The following NSD1 variants were observed in gnomAD, a reference collection of about 807,000 sequenced individuals.
NSD1 encodes histone-lysine N-methyltransferase, H3 lysine-36 specific.
In NSD1, 26 loss-of-function variants were observed where a neutral mutation model predicts 242.7. That is an observed-to-expected ratio of 0.11 (90% confidence interval 0.08 to 0.15). The LOEUF is 0.15. Among genes scored for constraint, NSD1 ranks in the 10% least tolerant of loss-of-function variants. The probability of loss-of-function intolerance (pLI) is 1.00; values close to 1 mark genes in which losing one functional copy is unlikely to be tolerated. For synonymous variants in NSD1, 1,106 were observed against 1,178.1 expected (o/e 0.94, Z 1.25); for missense variants, 2,495 against 3,272.8 (o/e 0.76, Z 5.80).
chr5:177,165,677 C>G (rs893812290), intron 2 of NSD1, among the ~76,000 whole-genome samples: 1 of 152,196 alleles, frequency 6.6e-6, no homozygotes, highest in Non-Finnish European at 1.5e-5. Flanking sequence ...ACTACAGCCT[C>G]GACTTCCCTG....
At position 177,210,308 on chromosome 5, in the gene NSD1, A is replaced by G; in HGVS notation, c.1909A>G (p.Ser637Gly). Residue 637 changes from serine to glycine, a missense_variant, in exon 5 of 23, where the codon AGT (serine) becomes GGT (glycine). By Grantham distance (56) the Ser-to-Gly change is moderately conservative. This residue lies in a region of NSD1 where 515 missense variants were observed against 467.0 expected (regional missense o/e 1.10). Coordinates refer to ENST00000439151, the MANE Select transcript of NSD1 (RefSeq NM_022455.5). ...TGAGGAAAAGCGAAGTGATTCCATT[A>G]GTATCTGTACCACTTCTGATGATGG... ...GDEEKRSDSISICTTSDDGSS... is the reference protein window; with the variant it reads ...GDEEKRSDSIGICTTSDDGSS... 4 of 1,612,838 alleles carry G rather than the reference A, an allele frequency of 2.5e-6. No homozygotes were observed. The highest frequency in any genetic ancestry group is 3.4e-6 in the Non-Finnish European group (4 of 1,179,368).
chr5:177,157,379 A>T (rs193091821), intron 2 of NSD1, among the ~76,000 whole-genome samples: 78 of 151,894 alleles, frequency 5.1e-4, no homozygotes, highest in East Asian at 2.3e-3. Context: ...AGAAAAAAAA[A>T]ATATATAATT....
intron 8 of NSD1, among the ~76,000 whole-genome samples, chr5:177,242,383 A>G (rs191018997): frequency 7.5e-4 from 114 of 152,288 alleles, no homozygotes; most frequent in African/African-American, 2.6e-3. Context: ...CTTCTGATAT[A>G]TAGTGAACGT....
At chr5:177,205,480 A>T (rs761552905) in intron 4 of NSD1, among the ~76,000 whole-genome samples, 17 of 151,670 alleles carry the variant, frequency 1.1e-4, no homozygotes, top group Non-Finnish European at 2.5e-4. Flanking sequence ...GCTGAGAAAA[A>T]TACCAGCTTA....
chr5:177,241,636 G>T (rs1015059816), intron 8 of NSD1, among the ~76,000 whole-genome samples: 2 of 152,060 alleles, frequency 1.3e-5, no homozygotes, highest in African/African-American at 2.4e-5. Context: ...TGGGGAGAGG[G>T]GGTTGCCGTT....
chr5:177,288,361 A>G (rs1214922452), intron 20 of NSD1, among the ~76,000 whole-genome samples: 2 of 152,216 alleles, frequency 1.3e-5, no homozygotes, highest in African/African-American at 4.8e-5. Flanking sequence ...CCAGTCTGTA[A>G]TCTACAGATT....
At chr5:177,224,153 T>C (rs1764453693) in intron 5 of NSD1, among the ~76,000 whole-genome samples, 1 of 152,230 alleles carries the variant, frequency 6.6e-6, no homozygotes, top group Admixed American at 6.5e-5. Context: ...TTTGCATCTT[T>C]GGTGTTTCAT....
rs756808990 is a variant in NSD1 at position 177,210,055 on chromosome 5, C to G, written c.1656C>G (p.Ser552=). The change falls in exon 5 of 23, where the codon TCC becomes TCG. Residue 552 remains serine, a synonymous_variant. Coordinates refer to ENST00000439151, the MANE Select transcript of NSD1 (RefSeq NM_022455.5). ...ISDTQASNEL[S]RIANSLTGSN... Reference sequence around the variant, plus strand: ...ATACGCAGGCCTCTAATGAACTTTCCAGGATAGCAAATAGCCTCACAGGGT... The same window carrying G: ...ATACGCAGGCCTCTAATGAACTTTCGAGGATAGCAAATAGCCTCACAGGGT... The G allele has an allele frequency of 1.9e-6, 3 of 1,613,886 alleles. No individual in the cohort carries two copies. The highest frequency in any genetic ancestry group is 2.5e-6 in the Non-Finnish European group (3 of 1,179,962).
intron 2 of NSD1, 40 bp downstream of exon 2, chr5:177,136,070 GTA>G: frequency 6.6e-7 from 1 of 1,521,838 alleles, no homozygotes; most frequent in African/African-American, 1.4e-5. Context: ...ATACATATAT[GTA>G]TATATACAGG....
intron 5 of NSD1, among the ~76,000 whole-genome samples, chr5:177,234,514 C>T (rs752750547): frequency 6.6e-6 from 1 of 152,070 alleles, no homozygotes; most frequent in Non-Finnish European, 1.5e-5. Context: ...GTCAGGAGTT[C>T]GAGAACAGCC....
chr5:177,132,127 G>A (rs1029363133), upstream of NSD1, among the ~76,000 whole-genome samples: 3 of 152,168 alleles, frequency 2.0e-5, no homozygotes, highest in Non-Finnish European at 4.4e-5. The surrounding 1 kb of genome is among the most constrained non-coding windows in gnomAD (Gnocchi z 7.5). Context: ...TGCAGGCCGT[G>A]AGGCCCCAGG....
chr5:177,266,622 A>G (rs577681777), intron 14 of NSD1: 382 of 578,666 alleles, frequency 6.6e-4, no homozygotes, highest in Non-Finnish European at 7.5e-4. Context: ...CCGGCCGCCA[A>G]GACCCCCGCC....
chr5:177,278,304 T>G (rs1758565961), intron 17 of NSD1, among the ~76,000 whole-genome samples: 1 of 152,142 alleles, frequency 6.6e-6, no homozygotes, highest in South Asian at 2.1e-4. Context: ...GACATAGGGT[T>G]TCATTGTGTT....
intron 17 of NSD1, among the ~76,000 whole-genome samples, chr5:177,275,579 G>A (rs1330577554): frequency 2.7e-5 from 4 of 150,366 alleles, no homozygotes; most frequent in African/African-American, 4.9e-5. Context: ...GACTACAGGC[G>A]CCCGCCACCA....
intron 4 of NSD1, among the ~76,000 whole-genome samples, chr5:177,207,199 T>C (rs747155469): frequency 1.3e-5 from 2 of 151,686 alleles, no homozygotes; most frequent in African/African-American, 2.4e-5. Flanking sequence ...CCCCCGACCT[T>C]GGCCTCTCAA....
At chr5:177,159,023 TATGAATGATATATATATATATATATGA>T (rs1758492989) in intron 2 of NSD1, among the ~76,000 whole-genome samples, 2 of 119,092 alleles carry the variant, frequency 1.7e-5, no homozygotes, top group African/African-American at 6.5e-5. Context: ...TATATATATA[TATGAATGATATATATATATATATATGA>T]ATGAATGAAT....
rs575878223 is a variant in NSD1 at position 177,135,890 on chromosome 5, A to G, written c.787A>G (p.Thr263Ala). The change falls in exon 2 of 23, where the codon ACA becomes GCA. Residue 263 changes from threonine (T) to alanine (A), a missense_variant. Coordinates refer to ENST00000439151, the MANE Select transcript of NSD1 (RefSeq NM_022455.5). ...LLPAPFSLGD[T>A]NITIEEQLNS... ...CCCAGCCCCCTTTTCACTAGGAGAC[A>G]CAAACATTACAATAGAAGAGCAATT... 14 of 1,609,860 alleles carry G rather than the reference A, an allele frequency of 8.7e-6. No homozygotes were observed. The South Asian group carries it at 1.2e-4, about 14-fold the overall frequency.
Position 177,280,573 on chromosome 5 carries a change from T to C in NSD1, c.5631T>C (p.Arg1877=), listed in dbSNP as rs557189244. ...PPPYKHIKVN[R]PIGRVQIFTA... is the part of the protein sequence containing the mutation. Reference sequence around the variant, plus strand: ...TTGTGTTACTTTTCCAGGTAAACCGTCCTATTGGCAGGGTACAGATCTTCA... The same window carrying C: ...TTGTGTTACTTTTCCAGGTAAACCGCCCTATTGGCAGGGTACAGATCTTCA... The change falls in exon 18 of 23, where the codon CGT becomes CGC. Residue 1877 remains arginine (R), a synonymous_variant. Transcript: ENST00000439151. 5 of 1,614,236 alleles carry C rather than the reference T, an allele frequency of 3.1e-6. 1 individual carries two copies. The South Asian group carries it at 5.5e-5, about 18-fold the overall frequency.
intron 2 of NSD1, among the ~76,000 whole-genome samples, chr5:177,150,118 A>G (rs919035734): frequency 2.0e-5 from 3 of 150,662 alleles, no homozygotes; most frequent in Non-Finnish European, 4.4e-5. Flanking sequence ...TTATATTTGT[A>G]TTTTTTAATT....
Sources: allele counts gnomAD v4.1 joint callset (sites outside exome capture counted in the v4.1 genomes callset), GRCh38; gene constraint gnomAD v4.1.1; regional missense constraint gnomAD v4.1.1; non-coding constraint Gnocchi (gnomAD v3.1); transcripts MANE v1.5; gene names NCBI Gene and HGNC (gene_info 2026-07-23, HGNC 2026-07-21).